Variants in ROBO1 observed in about 807,000 individuals in gnomAD.
ROBO1 encodes roundabout guidance receptor 1.
A neutral mutation model predicts 195.9 loss-of-function variants in ROBO1; 149 were observed. The ratio of observed to expected loss-of-function variants is 0.76; its 90% CI spans 0.67 to 0.87. The LOEUF is 0.87. Ranked by LOEUF, ROBO1 falls within the 40% of genes least tolerant of loss-of-function variation. The pLI is 0.00. For missense variants in ROBO1, 1,933 were observed against 2,068.3 expected, an observed-to-expected ratio of 0.93 and a Z score of 1.27; for synonymous variants, 816 against 733.2, an observed-to-expected ratio of 1.11 and a Z score of -1.82.
chr3:79,756,511 C>T (rs945397025), intron 1 of ROBO1, among the ~76,000 whole-genome samples: 4 of 146,498 alleles, frequency 2.7e-5, no homozygotes, highest in African/African-American at 1.0e-4. Flanking sequence ...GATGGTGCCA[C>T]TGCACTCCAG....
chr3:78,673,450 A>T (rs138797774), intron 10 of ROBO1, among the ~76,000 whole-genome samples: 1,542 of 144,778 alleles, frequency 0.011, 35 homozygotes, highest in African/African-American at 0.037. Flanking sequence ...ATATTACAGC[A>T]AGGTTACACT....
chr3:79,340,265 T>C (rs2034855415), intron 2 of ROBO1, among the ~76,000 whole-genome samples: 2 of 152,200 alleles, frequency 1.3e-5, no homozygotes, highest in African/African-American at 4.8e-5. Flanking sequence ...CTTTGCCCAT[T>C]CCAGCCTGCT....
chr3:79,418,833 A>C (rs2038109385), intron 2 of ROBO1, among the ~76,000 whole-genome samples: 1 of 152,174 alleles, frequency 6.6e-6, no homozygotes, highest in Admixed American at 6.6e-5. Context: ...CAAATAAATC[A>C]GATTCTAAAA....
intron 3 of ROBO1, among the ~76,000 whole-genome samples, chr3:79,006,757 G>GAAAAAA (rs11345487): frequency 8.7e-6 from 1 of 115,244 alleles, no homozygotes; most frequent in Non-Finnish European, 1.8e-5. Context: ...CAAAATATCG[G>GAAAAAA]AAAAAAAAAA....
At chr3:78,943,234 T>G (rs941372542) in intron 3 of ROBO1, among the ~76,000 whole-genome samples, 1 of 151,482 alleles carries the variant, frequency 6.6e-6, no homozygotes, top group Non-Finnish European at 1.5e-5. Context: ...CAAAGAAAGG[T>G]TTTTGTTTTG....
chr3:79,134,602 G>T (rs2080362813), intron 2 of ROBO1, among the ~76,000 whole-genome samples: 1 of 77,614 alleles, frequency 1.3e-5, no homozygotes, highest in African/African-American at 4.8e-5. Flanking sequence ...TGTTTATTGT[G>T]GCACTATTCA....
At position 78,606,912 on chromosome 3, in the gene ROBO1, G is replaced by A. The variant is rs199958211; in HGVS notation, c.4565C>T (p.Ser1522Leu). 1,362 of 1,613,834 alleles carry A rather than the reference G, an allele frequency of 8.4e-4. 2 individuals are homozygous for A. Among genetic ancestry groups the A allele is most frequent in the Middle Eastern group, 1.3e-3 (8 of 6,060 alleles). ...CTTGTAACTGCTTCCTTTTCTGTCT[G>A]ATGATCTGTCTGTTCTTGCATCCAT... ...PSMDARTDRS[S>L]DRKGSSYKGR... Residue 1522 changes from serine to leucine, a missense_variant, in exon 29 of 31, where the codon TCA becomes TTA. By Grantham distance (145) the Ser-to-Leu change is moderately radical. Transcript: ENST00000464233.
chr3:79,589,341 G>A (rs1384129016), intron 2 of ROBO1, among the ~76,000 whole-genome samples: 7 of 151,764 alleles, frequency 4.6e-5, no homozygotes, highest in East Asian at 1.9e-4. Flanking sequence ...TGGTAACTAT[G>A]GTAGCAACAC....
At chr3:79,286,588 A>G (rs2031901103) in intron 2 of ROBO1, among the ~76,000 whole-genome samples, 1 of 152,266 alleles carries the variant, frequency 6.6e-6, no homozygotes, top group South Asian at 2.1e-4. Flanking sequence ...CTTAATTACT[A>G]AACTGCATTG....
intron 2 of ROBO1, among the ~76,000 whole-genome samples, chr3:79,557,471 A>T (rs1942743215): frequency 6.6e-6 from 1 of 152,000 alleles, no homozygotes; most frequent in South Asian, 2.1e-4. Context: ...ACAGTGGCTC[A>T]TGCCTGTAAT....
At chr3:78,972,517 T>C (rs1486788823) in intron 3 of ROBO1, among the ~76,000 whole-genome samples, 1 of 152,030 alleles carries the variant, frequency 6.6e-6, no homozygotes, top group African/African-American at 2.4e-5. Context: ...CTAACTAGAG[T>C]TGTATTATAA....
chr3:79,676,410 G>T lies in ROBO1; in HGVS notation c.-50-86449C>A, dbSNP rs1946786244. 5.3e-5 allele frequency among the ~76,000 whole-genome samples: 8 copies of T among 152,008 alleles called. No individual in the cohort carries two copies. The South Asian group carries it at 1.7e-3, about 32-fold the overall frequency. ...TTAATTAATTGGGTCCTCTGCTGAG[G>T]ACCTCACTAGGCTGTGATCATGGAG... On this transcript the variant is annotated intron_variant, in intron 1 of 30. Transcript: ENST00000464233.
At chr3:79,382,770 A>C (rs1470919944) in intron 2 of ROBO1, among the ~76,000 whole-genome samples, 2 of 152,152 alleles carry the variant, frequency 1.3e-5, no homozygotes, top group Non-Finnish European at 2.9e-5. Flanking sequence ...ATTTCCTGAA[A>C]GTAATCCCTT....
chr3:79,689,933 T>C (rs140863121), intron 1 of ROBO1, among the ~76,000 whole-genome samples: 3 of 152,098 alleles, frequency 2.0e-5, no homozygotes, highest in African/African-American at 7.2e-5. Flanking sequence ...TAAAAGTAGT[T>C]CTTACTTATA....
chr3:78,693,305 G>A (rs1262055948), intron 8 of ROBO1: 3 of 1,549,724 alleles, frequency 1.9e-6, no homozygotes, highest in Non-Finnish European at 2.6e-6. Flanking sequence ...TCCAGTCACA[G>A]TGACACGGTG....
At position 79,568,121 on chromosome 3, in the gene ROBO1, C is replaced by T. The variant is rs954586486; in HGVS notation, c.88+21703G>A. Among the ~76,000 whole-genome samples, 16 of 152,042 alleles carry T rather than the reference C, an allele frequency of 1.1e-4. No homozygotes were observed. The East Asian group carries it at 2.1e-3, about 20-fold the overall frequency. On this transcript the variant is annotated intron_variant, in intron 2 of 30. Transcript: ENST00000464233. ...GACGCACTTTGGAGAGCAGATGGGTCGATTCAGACATCATTGTTACTATTT... is the reference window on the plus strand; with the variant it reads ...GACGCACTTTGGAGAGCAGATGGGTTGATTCAGACATCATTGTTACTATTT...
At chr3:79,614,496 A>C (rs1054098385) in intron 1 of ROBO1, among the ~76,000 whole-genome samples, 3 of 152,160 alleles carry the variant, frequency 2.0e-5, no homozygotes, top group African/African-American at 7.2e-5. Flanking sequence ...CATTATAAGA[A>C]ATAAGTGTGC....
At chr3:78,628,731 A>T (rs1477866303) in intron 25 of ROBO1, among the ~76,000 whole-genome samples, 2 of 152,080 alleles carry the variant, frequency 1.3e-5, no homozygotes, top group African/African-American at 4.8e-5. Context: ...TCCTTTATTA[A>T]CAAACAGCTG....
chr3:78,834,871 A>C (rs551552127), intron 4 of ROBO1, among the ~76,000 whole-genome samples: 1 of 152,228 alleles, frequency 6.6e-6, no homozygotes, highest in African/African-American at 2.4e-5. Flanking sequence ...TGGTACAGAA[A>C]TTTCTTTCTT....
Sources: gnomAD v4.1 joint callset for allele counts (sites outside exome capture counted in the v4.1 genomes callset) on GRCh38, gnomAD v4.1.1 for gene constraint, MANE v1.5 for transcripts, NCBI Gene and HGNC (gene_info 2026-07-23, HGNC 2026-07-21) for gene names.